Variants in NFIL3 observed in about 807,000 individuals in gnomAD.
NFIL3 encodes the protein nuclear factor interleukin-3-regulated protein.
NFIL3 carries 5 observed loss-of-function variants against 10.0 expected under a neutral mutation model. That is an observed-to-expected ratio of 0.50 (90% CI 0.26 to 1.06). The LOEUF is 1.06. NFIL3 is among the 50% of genes least tolerant of loss of function. The pLI is 0.13. For synonymous variants in NFIL3, 202 were observed against 206.5 expected, an observed-to-expected ratio of 0.98 and a Z score of 0.19; for missense variants, 436 against 547.6, an observed-to-expected ratio of 0.80 and a Z score of 2.03.
the NFIL3 span, among the ~76,000 whole-genome samples, chr9:91,435,957 C>T: frequency 4.6e-5 from 7 of 152,040 alleles, no homozygotes; most frequent in African/African-American, 9.7e-5. Flanking sequence ...CAACACAGAC[C>T]GATTTTGGCT....
intron 1 of NFIL3, among the ~76,000 whole-genome samples, chr9:91,416,023 C>T (rs1198829005): frequency 1.3e-5 from 2 of 152,118 alleles, no homozygotes; most frequent in African/African-American, 4.8e-5. Flanking sequence ...AGATCTGGCA[C>T]TATTTATGAA....
chr9:91,425,667 G>A (rs1833865282), upstream of NFIL3, among the ~76,000 whole-genome samples: 1 of 152,172 alleles, frequency 6.6e-6, no homozygotes, highest in Non-Finnish European at 1.5e-5. Context: ...AATTCAAGAT[G>A]TGGTCTTACT....
the NFIL3 span, among the ~76,000 whole-genome samples, chr9:91,474,186 T>C: frequency 6.6e-6 from 1 of 152,088 alleles, no homozygotes; most frequent in Non-Finnish European, 1.5e-5. Flanking sequence ...TTGCTCTTTT[T>C]GTACCTATTA....
rs1252435849 is a variant in NFIL3, at chr9:91,410,264, G to A, written c.471C>T (p.Ser157=). ...GCTCGTCCACAAATGAACTCACATT[G>A]GATTTGGAAGTCTGGTAATCTTGAA... ...VYFQDYQTSK[S]NVSSFVDEHE... The change falls in exon 2 of 2, where the codon TCC becomes TCT. Residue 157 remains serine, a synonymous_variant. Coordinates refer to ENST00000297689, the MANE Select transcript of NFIL3 (RefSeq NM_005384.3). The surrounding 1 kb of genome is among the most constrained non-coding windows in gnomAD (Gnocchi z 5.7). 2.0e-5 allele frequency: 32 copies of A among 1,614,076 alleles called. No individual in the cohort carries two copies. The highest frequency in any genetic ancestry group is 2.6e-5 in the Non-Finnish European group (31 of 1,180,050).
the NFIL3 span, among the ~76,000 whole-genome samples, chr9:91,457,557 A>C: frequency 3.9e-5 from 6 of 151,986 alleles, no homozygotes; most frequent in Non-Finnish European, 8.8e-5. Context: ...ATAATGTATT[A>C]TATTATATTA....
chr9:91,422,908 C>G (rs1833796140), intron 1 of NFIL3, among the ~76,000 whole-genome samples: 1 of 152,222 alleles, frequency 6.6e-6, no homozygotes, highest in Admixed American at 6.5e-5. Flanking sequence ...ATATCCAACG[C>G]TGCGCCTCAA....
Position 91,409,602 on chromosome 9 carries a change from A to C in NFIL3, c.1133T>G (p.Leu378Arg). 6.2e-7 allele frequency: 1 copy of C among 1,614,246 alleles called. No homozygotes were observed. Among genetic ancestry groups the C allele is most frequent in the Non-Finnish European group, 8.5e-7 (1 of 1,180,036 alleles). ...AGTCACTTGCACTGAGAAAGGAGTA[A>C]GAGAAGAATGTACCATACTTGGGGC... ...HSAPSMVHSSLTPFSVQVTNI... is the reference protein window; with the variant it reads ...HSAPSMVHSSRTPFSVQVTNI... The change falls in exon 2 of 2, where the codon CTT (leucine) becomes CGT (arginine). Residue 378 changes from leucine to arginine, a missense_variant. Leu to Arg is a moderately radical substitution (Grantham distance 102). This residue lies in a region of NFIL3 where 338 missense variants were observed against 399.9 expected (regional missense o/e 0.85). Coordinates refer to ENST00000297689, the MANE Select transcript of NFIL3 (RefSeq NM_005384.3).
chr9:91,436,887 C>A, the NFIL3 span, among the ~76,000 whole-genome samples: 2 of 152,032 alleles, frequency 1.3e-5, no homozygotes, highest in South Asian at 2.1e-4. Context: ...CAGTCCCCAA[C>A]CTTTTTTGGC....
the NFIL3 span, among the ~76,000 whole-genome samples, chr9:91,477,890 T>C: frequency 3.9e-5 from 6 of 152,344 alleles, no homozygotes; most frequent in African/African-American, 1.4e-4. Flanking sequence ...AAGGATTTTA[T>C]TTCTGCTTTG....
the NFIL3 span, among the ~76,000 whole-genome samples, chr9:91,479,487 C>T: frequency 6.6e-6 from 1 of 152,170 alleles, no homozygotes; most frequent in Non-Finnish European, 1.5e-5. Context: ...ATGGCAGATG[C>T]CCCTCCCGCC....
the NFIL3 span, among the ~76,000 whole-genome samples, chr9:91,460,268 G>GTTTTTTTTTTTTTTTTTTTTT: frequency 5.2e-5 from 4 of 77,086 alleles, no homozygotes; most frequent in African/African-American, 4.0e-4. Context: ...GGAGGGCTTG[G>GTTTTTTTTTTTTTTTTTTTTT]TTCTTTTTTT....
At chr9:91,422,557 C>G (rs1833789718) in intron 1 of NFIL3, among the ~76,000 whole-genome samples, 1 of 152,188 alleles carries the variant, frequency 6.6e-6, no homozygotes, top group Non-Finnish European at 1.5e-5. Context: ...GTAATTAGCT[C>G]CCTCTCTCTA....
In NFIL3 at chr9:91,409,678, A is replaced by G. The variant is rs1433106443; in HGVS notation, c.1057T>C (p.Ser353Pro). The change falls in exon 2 of 2, where the codon TCA becomes CCA. Residue 353 changes from serine to proline, a missense_variant. Around this residue, in one of 3 missense-constraint regions of NFIL3, gnomAD observed 338 missense variants for 399.9 expected, o/e 0.85. Transcript: ENST00000297689. ...CTTTTAGATGTCATGTCAATAGGTG[A>G]GGAAAGTTTTTGCGTGGCCTCAAAT... ...NEFEATQKLS[S>P]PIDMTSKRHF... 1 of 1,614,216 alleles carries G rather than the reference A, an allele frequency of 6.2e-7. No homozygotes were observed. Among genetic ancestry groups the G allele is most frequent in the East Asian group, 2.2e-5 (1 of 44,890 alleles).
chr9:91,430,656 A>C, the NFIL3 span, among the ~76,000 whole-genome samples: 1 of 152,136 alleles, frequency 6.6e-6, no homozygotes, highest in Non-Finnish European at 1.5e-5. Flanking sequence ...TTATTAAAAA[A>C]AATGTTTGGT....
At chr9:91,434,329 C>T in the NFIL3 span, among the ~76,000 whole-genome samples, 1 of 152,060 alleles carries the variant, frequency 6.6e-6, no homozygotes, top group Non-Finnish European at 1.5e-5. Flanking sequence ...TTTCAAGCCT[C>T]CCCAAGTAGA....
chr9:91,422,486 T>C (rs1833788669), intron 1 of NFIL3, among the ~76,000 whole-genome samples: 1 of 151,876 alleles, frequency 6.6e-6, no homozygotes. Context: ...AAAACTGTTA[T>C]AGTGACATTC....
At chr9:91,423,173 C>T (rs544704807) in intron 1 of NFIL3, among the ~76,000 whole-genome samples, 2 of 152,272 alleles carry the variant, frequency 1.3e-5, no homozygotes, top group South Asian at 4.1e-4. Flanking sequence ...TCTCACCAAG[C>T]AAATTAAGAC....
intron 1 of NFIL3, among the ~76,000 whole-genome samples, chr9:91,421,729 G>T (rs1240609502): frequency 6.6e-6 from 1 of 152,166 alleles, no homozygotes; most frequent in Non-Finnish European, 1.5e-5. Context: ...GAAGCTGGGG[G>T]CCTAGAGCAA....
chr9:91,475,002 A>T, the NFIL3 span, among the ~76,000 whole-genome samples: 1 of 152,202 alleles, frequency 6.6e-6, no homozygotes, highest in Non-Finnish European at 1.5e-5. Context: ...GTTTGTGTGG[A>T]CTTCTTGCCC....
Sources: gnomAD v4.1 joint callset for allele counts (sites outside exome capture counted in the v4.1 genomes callset) on GRCh38, gnomAD v4.1.1 for gene constraint, gnomAD v4.1.1 regional missense constraint, Gnocchi (gnomAD v3.1) non-coding constraint, MANE v1.5 for transcripts, NCBI Gene and HGNC (gene_info 2026-07-23, HGNC 2026-07-21) for gene names.